The following ARHGEF4 variants were observed in gnomAD, a reference collection of about 807,000 sequenced individuals.
ARHGEF4 encodes the protein Rho guanine nucleotide exchange factor 4.
Under a neutral mutation model 162.0 loss-of-function variants are expected in ARHGEF4, and 119 were observed. The observed-to-expected ratio is 0.73, with a 90% CI of 0.63 to 0.86. ARHGEF4 has a LOEUF of 0.86. Among genes scored for constraint, ARHGEF4 ranks in the 40% least tolerant of loss-of-function variants. ARHGEF4 has a pLI of 0.00. For missense variants in ARHGEF4, 2,488 were observed against 2,456.0 expected (o/e 1.01, Z -0.28); for synonymous variants, 1,014 against 979.9 (o/e 1.03, Z -0.65).
chr2:130,879,780 A>ATT (rs200318968), intron 1 of ARHGEF4, among the ~76,000 whole-genome samples: 65 of 151,022 alleles, frequency 4.3e-4, no homozygotes, highest in African/African-American at 1.1e-3. Flanking sequence ...TTATTTTTTT[A>ATT]TTTTTTTTAT....
intron 1 of ARHGEF4, among the ~76,000 whole-genome samples, chr2:130,887,253 C>G (rs1679579396): frequency 6.6e-6 from 1 of 151,662 alleles, no homozygotes; most frequent in African/African-American, 2.4e-5. Flanking sequence ...ATGGTGTGAG[C>G]CCAGGAGGTC....
intron 1 of ARHGEF4, among the ~76,000 whole-genome samples, chr2:130,909,139 A>G (rs1681022631): frequency 6.6e-6 from 1 of 152,226 alleles, no homozygotes; most frequent in African/African-American, 2.4e-5. Flanking sequence ...TACCCTGTGT[A>G]TCTGATACAG....
intron 1 of ARHGEF4, among the ~76,000 whole-genome samples, chr2:130,912,045 T>G (rs1001913105): frequency 1.3e-5 from 2 of 152,238 alleles, no homozygotes; most frequent in Non-Finnish European, 2.9e-5. Context: ...GTTGGTGAGA[T>G]GAGGGGCTGC....
chr2:131,041,098 A>C, intron 8 of ARHGEF4, 132 bp from the exon 9 acceptor site: 1 of 754,262 alleles, frequency 1.3e-6, no homozygotes, highest in Non-Finnish European at 2.2e-6. Flanking sequence ...AGGTACACAC[A>C]GCCTGGGTCT....
chr2:130,980,658 A>G (rs977516987), intron 4 of ARHGEF4, among the ~76,000 whole-genome samples: 3 of 152,210 alleles, frequency 2.0e-5, no homozygotes, highest in African/African-American at 7.2e-5. Flanking sequence ...TGGTTAGGCA[A>G]CCTTCACCAC....
chr2:131,028,050 C>T lies in ARHGEF4; in HGVS notation c.4091C>T (p.Pro1364Leu), dbSNP rs372282756. 55 of 1,613,894 alleles carry T rather than the reference C, an allele frequency of 3.4e-5. No homozygotes were observed. Among genetic ancestry groups the T allele is most frequent in the Non-Finnish European group, 4.7e-5 (55 of 1,180,004 alleles). The change falls in exon 5 of 14, where the codon CCT (proline) becomes CTT (leucine). Residue 1364 changes from proline (P) to leucine (L), a missense_variant. Transcript: ENST00000409359. ...AGCTCCAGCCACCACTACAGCCACC[C>T]TGGAGGGGGTGGGGAGCAGCTGGCT... ...LHSSSHHYSH[P>L]GGGGEQLAIN... is the part of the protein sequence containing the mutation.
At chr2:130,963,414 G>A (rs1201450107) in intron 4 of ARHGEF4, among the ~76,000 whole-genome samples, 11 of 151,952 alleles carry the variant, frequency 7.2e-5, no homozygotes, top group African/African-American at 2.2e-4. Context: ...TTGCGTCCTC[G>A]CCCTGGATGG....
At chr2:130,862,645 A>G (rs1682019486) in intron 1 of ARHGEF4, among the ~76,000 whole-genome samples, 1 of 40,206 alleles carries the variant, frequency 2.5e-5, no homozygotes, top group Non-Finnish European at 3.8e-5. Context: ...CAAAGCGGGC[A>G]GATCATGAGG....
At chr2:130,991,405 A>G (rs1008658514) in intron 4 of ARHGEF4, among the ~76,000 whole-genome samples, 4 of 152,238 alleles carry the variant, frequency 2.6e-5, no homozygotes, top group Non-Finnish European at 5.9e-5. Flanking sequence ...TGGGCTGGCC[A>G]AGGCCGGAGC....
chr2:130,962,185 G>A (rs1391403297), intron 4 of ARHGEF4, among the ~76,000 whole-genome samples: 1 of 150,620 alleles, frequency 6.6e-6, no homozygotes, highest in African/African-American at 2.4e-5. Flanking sequence ...GTTGCAGTGA[G>A]CTGAGATCGC....
rs1574220012 is a variant in ARHGEF4 at position 130,915,061 on chromosome 2, A to G, written c.1115A>G (p.Asp372Gly). Residue 372 changes from aspartate to glycine, a missense_variant, in exon 2 of 14, where the codon GAT (aspartate) becomes GGT (glycine). Physicochemically the swap from Asp to Gly is moderately conservative, Grantham distance 94. Transcript: ENST00000409359. Reference protein sequence around the residue: ...HVKEGAKNERDPRIQNIPSPA... With the variant: ...HVKEGAKNERGPRIQNIPSPA... ...AAGGAAGGGGCCAAAAATGAACGAG[A>G]TCCAAGAATACAAAACATCCCTTCC... The G allele has an allele frequency of 9.7e-6, 15 of 1,550,640 alleles. No individual in the cohort carries two copies. The East Asian group carries it at 3.7e-4, about 38-fold the overall frequency.
intron 5 of ARHGEF4, among the ~76,000 whole-genome samples, chr2:131,028,457 C>CATCT (rs1342476154): frequency 6.6e-6 from 1 of 152,192 alleles, no homozygotes; most frequent in East Asian, 1.9e-4. Flanking sequence ...CCCAACCAGC[C>CATCT]ATCTGGGCAG....
chr2:130,988,872 GTATA>G (rs58656982), intron 4 of ARHGEF4, among the ~76,000 whole-genome samples: 2,766 of 108,176 alleles, frequency 0.026, 33 homozygotes, highest in African/African-American at 0.032. Context: ...GTGTGTGTGT[GTATA>G]TATATATATA....
At chr2:130,893,367 T>C (rs1679972970) in intron 1 of ARHGEF4, among the ~76,000 whole-genome samples, 1 of 152,182 alleles carries the variant, frequency 6.6e-6, no homozygotes, top group Non-Finnish European at 1.5e-5. Flanking sequence ...TTTTTCTCCA[T>C]ATCCTCATTA....
rs532775117 is a variant in ARHGEF4 at position 130,843,238 on chromosome 2, A to C, written c.39+6246A>C. 3.9e-5 allele frequency among the ~76,000 whole-genome samples: 6 copies of C among 152,258 alleles called. No individual in the cohort carries two copies. The South Asian group carries it at 1.2e-3, about 32-fold the overall frequency. On this transcript the variant is annotated intron_variant, in intron 1 of 13. Coordinates refer to ENST00000409359, the MANE Select transcript of ARHGEF4 (RefSeq NM_001367493.1). Reference sequence around the variant, plus strand: ...TTTCCAGGACTCACTTGGCCCCTCCACATTTGTGGCGGAAGGAGGGTCTAA... The same window carrying C: ...TTTCCAGGACTCACTTGGCCCCTCCCCATTTGTGGCGGAAGGAGGGTCTAA...
chr2:130,915,039 G>C lies in ARHGEF4; in HGVS notation c.1093G>C (p.Glu365Gln). The C allele has an allele frequency of 2.6e-6, 4 of 1,550,682 alleles. No homozygotes were observed. Among genetic ancestry groups the C allele is most frequent in the African/African-American group, 1.4e-5 (1 of 73,160 alleles). The change falls in exon 2 of 14, where the codon GAA becomes CAA. Residue 365 changes from glutamate (E) to glutamine (Q), a missense_variant. Coordinates refer to ENST00000409359, the MANE Select transcript of ARHGEF4 (RefSeq NM_001367493.1). ...TGTGAAGTCTGGGACCCATGTGAAG[G>C]AAGGGGCCAAAAATGAACGAGATCC... ...NVVKSGTHVK[E>Q]GAKNERDPRI...
chr2:131,004,888 C>T (rs1558839006), intron 4 of ARHGEF4, among the ~76,000 whole-genome samples: 1 of 152,208 alleles, frequency 6.6e-6, no homozygotes, highest in Non-Finnish European at 1.5e-5. Context: ...GGTACAGGAG[C>T]AACCCCATTC....
intron 3 of ARHGEF4, among the ~76,000 whole-genome samples, chr2:130,932,647 C>A (rs1433697915): frequency 1.3e-5 from 2 of 152,258 alleles, no homozygotes; most frequent in East Asian, 3.9e-4. Context: ...ATGAAATCTA[C>A]TTTATCTATT....
rs1690977709 is a variant in ARHGEF4, at chr2:131,043,441, G to A, written c.5026-11G>A. 1 of 1,613,708 alleles carries A rather than the reference G, an allele frequency of 6.2e-7. No homozygotes were observed. The highest frequency in any genetic ancestry group is 1.1e-5 in the South Asian group (1 of 91,078). ...ATGCGAGGCTCATGGTTCTCCTTGG[G>A]ATCTTCCCAGGGAGAAGATCTCTTG... On this transcript the variant is annotated splice_polypyrimidine_tract_variant and intron_variant, in intron 10 of 13. Coordinates refer to ENST00000409359, the MANE Select transcript of ARHGEF4 (RefSeq NM_001367493.1).
Sources: gnomAD v4.1 joint callset for allele counts (sites outside exome capture counted in the v4.1 genomes callset) on GRCh38, gnomAD v4.1.1 for gene constraint, MANE v1.5 for transcripts, NCBI Gene and HGNC (gene_info 2026-07-23, HGNC 2026-07-21) for gene names.